SLC37A3: variants seen among roughly 807,000 people sequenced by gnomAD.
SLC37A3 encodes sugar phosphate exchanger 3.
Under a neutral mutation model 67.1 loss-of-function variants are expected in SLC37A3, and 51 were observed. That is an observed-to-expected ratio of 0.76 (90% CI 0.61 to 0.96). The LOEUF (loss-of-function observed/expected upper bound fraction) is 0.96, where lower values mean the gene tolerates loss of function less well. Among genes scored for constraint, SLC37A3 ranks in the 40% least tolerant of loss-of-function variants. The probability of loss-of-function intolerance (pLI) is 0.00; values close to 1 mark genes in which losing one functional copy is unlikely to be tolerated. For synonymous variants in SLC37A3, 214 were observed against 231.4 expected (o/e 0.92, Z 0.68); for missense variants, 508 against 603.0 (o/e 0.84, Z 1.65).
At chr7:140,343,644 A>G (rs1412042907) in intron 12 of SLC37A3, 81 bp from the exon 13 acceptor site, 2 of 1,422,508 alleles carry the variant, frequency 1.4e-6, no homozygotes, top group East Asian at 4.7e-5. Context: ...TAATATCCGA[A>G]TAGTTTTCTT....
chr7:140,352,141 G>A lies in SLC37A3; in HGVS notation c.624C>T (p.Ala208=), dbSNP rs760589342. Residue 208 remains alanine, a synonymous_variant, in exon 8 of 15, where the codon GCC becomes GCT. Coordinates refer to ENST00000326232, the MANE Select transcript of SLC37A3 (RefSeq NM_207113.3). ...SSVLQYGYEY[A]FLVTASVQFA... Reference sequence around the variant, plus strand: ...ACTGCACAGACGCCGTCACCAGAAAGGCATACTGGAGGAGAGGGGTGAAAG... The same window carrying A: ...ACTGCACAGACGCCGTCACCAGAAAAGCATACTGGAGGAGAGGGGTGAAAG... The A allele has an allele frequency of 6.2e-7, 1 of 1,612,434 alleles. No individual in the cohort carries two copies. Among genetic ancestry groups the A allele is most frequent in the Non-Finnish European group, 8.5e-7 (1 of 1,179,440 alleles).
At chr7:140,363,134 C>T (rs1229656801) in intron 5 of SLC37A3, among the ~76,000 whole-genome samples, 6 of 87,082 alleles carry the variant, frequency 6.9e-5, no homozygotes, top group South Asian at 5.3e-4. Flanking sequence ...TTCTGCCCGG[C>T]CGCCCCTACT....
intron 8 of SLC37A3, chr7:140,351,807 A>G: frequency 3.4e-6 from 2 of 594,674 alleles, no homozygotes; most frequent in Non-Finnish European, 6.0e-6. Context: ...TGTCTCAATT[A>G]TAAAAATAAT....
intron 5 of SLC37A3, among the ~76,000 whole-genome samples, chr7:140,362,024 T>C (rs1158825183): frequency 4.3e-5 from 5 of 116,848 alleles, no homozygotes; most frequent in African/African-American, 6.6e-5. Flanking sequence ...GTCTGGGATA[T>C]GAGGAGCCTC....
intron 6 of SLC37A3, among the ~76,000 whole-genome samples, chr7:140,356,128 A>G (rs1384525821): frequency 6.6e-6 from 1 of 150,874 alleles, no homozygotes; most frequent in Non-Finnish European, 1.5e-5. Context: ...CATGAGGCAG[A>G]GGTTGCAGTA....
At chr7:140,380,897 CTTT>C (rs56276405) in intron 2 of SLC37A3, among the ~76,000 whole-genome samples, 1 of 125,880 alleles carries the variant, frequency 7.9e-6, no homozygotes. Context: ...TCTTCTTCTT[CTTT>C]TTTTTTTTTT....
chr7:140,338,624 A>G (rs1796236755), intron 13 of SLC37A3, among the ~76,000 whole-genome samples: 1 of 152,058 alleles, frequency 6.6e-6, no homozygotes, highest in Non-Finnish European at 1.5e-5. Context: ...GGTGTGAGCC[A>G]CCATGCTCGG....
chr7:140,351,783 T>G, intron 8 of SLC37A3: 1 of 577,274 alleles, frequency 1.7e-6, no homozygotes, highest in East Asian at 3.0e-5. Flanking sequence ...ACATCTATGT[T>G]CATTCCTTGC....
chr7:140,372,272 A>G (rs989584311), intron 3 of SLC37A3, among the ~76,000 whole-genome samples: 4 of 152,246 alleles, frequency 2.6e-5, no homozygotes, highest in African/African-American at 7.2e-5. Flanking sequence ...GGGTTCTTCA[A>G]TAGGATGGGA....
intron 13 of SLC37A3, among the ~76,000 whole-genome samples, chr7:140,341,196 G>A (rs757504972): frequency 6.6e-6 from 1 of 152,158 alleles, no homozygotes; most frequent in Non-Finnish European, 1.5e-5. Flanking sequence ...GCCTCCCGAA[G>A]TGCTGGGATT....
intron 3 of SLC37A3, among the ~76,000 whole-genome samples, chr7:140,377,423 A>G (rs1798078195): frequency 6.6e-6 from 1 of 152,088 alleles, no homozygotes; most frequent in Admixed American, 6.6e-5. Flanking sequence ...CTCTAGCACT[A>G]TTCTCATGTA....
chr7:140,374,955 G>A (rs1023492346), intron 3 of SLC37A3, among the ~76,000 whole-genome samples: 2 of 152,086 alleles, frequency 1.3e-5, no homozygotes, highest in Non-Finnish European at 2.9e-5. Flanking sequence ...AGACCAGCCT[G>A]GCCAATATGG....
intron 4 of SLC37A3, among the ~76,000 whole-genome samples, chr7:140,366,619 C>CA (rs1262771840): frequency 3.3e-5 from 5 of 152,102 alleles, no homozygotes; most frequent in South Asian, 2.1e-4. Flanking sequence ...AAGTTTAACA[C>CA]AGCTAGTTAG....
intron 3 of SLC37A3, among the ~76,000 whole-genome samples, chr7:140,375,638 A>G (rs895753347): frequency 6.6e-6 from 1 of 152,226 alleles, no homozygotes; most frequent in African/African-American, 2.4e-5. Context: ...TGAATACTCA[A>G]TAATCCAGCT....
intron 1 of SLC37A3, among the ~76,000 whole-genome samples, chr7:140,394,170 CAA>C (rs1320633597): frequency 6.9e-6 from 1 of 145,278 alleles, no homozygotes; most frequent in African/African-American, 2.5e-5. Context: ...GACCCCATAT[CAA>C]AAAAAAAAGT....
At chr7:140,372,233 G>A (rs974008973) in intron 3 of SLC37A3, among the ~76,000 whole-genome samples, 2 of 152,272 alleles carry the variant, frequency 1.3e-5, no homozygotes, top group South Asian at 2.1e-4. Context: ...TGAGGGAAAC[G>A]GAAAGGTAAT....
intron 3 of SLC37A3, among the ~76,000 whole-genome samples, chr7:140,374,500 A>T (rs929649519): frequency 6.6e-6 from 1 of 151,446 alleles, no homozygotes; most frequent in African/African-American, 2.4e-5. Context: ...CAATCTCAAA[A>T]AAAAAAAAAA....
chr7:140,356,419 C>A (rs550969921), intron 6 of SLC37A3, among the ~76,000 whole-genome samples: 3 of 152,166 alleles, frequency 2.0e-5, no homozygotes, highest in Admixed American at 1.3e-4. Flanking sequence ...CGAGGGCTCA[C>A]GCCTGTAATC....
rs578120677 is a variant in SLC37A3 at position 140,377,583 on chromosome 7, C to T, written c.198+2699G>A. Among the ~76,000 whole-genome samples the T allele has an allele frequency of 8.5e-4, 130 of 152,250 alleles. 1 individual carries two copies. Among genetic ancestry groups the T allele is most frequent in the African/African-American group, 3.0e-3 (124 of 41,554 alleles). The stretch of plus-strand genomic sequence containing the variant: ...GATGTCAGTGAACCCATTATAAATT[C>T]TAAAGGTAACTGTGTCTACTGAACT... On this transcript the variant is annotated intron_variant, in intron 3 of 14. Coordinates refer to ENST00000326232, the MANE Select transcript of SLC37A3 (RefSeq NM_207113.3).
Sources: gnomAD v4.1 joint callset for allele counts (sites outside exome capture counted in the v4.1 genomes callset) on GRCh38, gnomAD v4.1.1 for gene constraint, MANE v1.5 for transcripts, NCBI Gene and HGNC (gene_info 2026-07-23, HGNC 2026-07-21) for gene names.